IGF2BP2: variants seen among roughly 807,000 people sequenced by gnomAD.
IGF2BP2 encodes insulin like growth factor 2 mRNA binding protein 2, also known as insulin-like growth factor 2 mRNA-binding protein 2.
In IGF2BP2, 17 loss-of-function variants were observed where a neutral mutation model predicts 75.8. The observed-to-expected ratio is 0.22, with a 90% confidence interval of 0.15 to 0.34. IGF2BP2 has a LOEUF of 0.34. Among genes scored for constraint, IGF2BP2 ranks in the 10% least tolerant of loss-of-function variants. The pLI is 1.00. For synonymous variants in IGF2BP2, 288 were observed against 295.6 expected (o/e 0.97, Z 0.26); for missense variants, 516 against 772.4 (o/e 0.67, Z 3.93).
At chr3:185,823,578 C>T (rs1046270221) in intron 1 of IGF2BP2, among the ~76,000 whole-genome samples, 5 of 152,046 alleles carry the variant, frequency 3.3e-5, no homozygotes, top group East Asian at 3.9e-4. Context: ...CTCCATTCCG[C>T]TAATCCGGGG....
chr3:185,649,670 G>GCGTGCC, intron 13 of IGF2BP2, 136 bp from the exon 14 acceptor site: 1 of 1,207,674 alleles, frequency 8.3e-7, no homozygotes, highest in East Asian at 2.5e-5. Flanking sequence ...ACAGGAAGCT[G>GCGTGCC]CGTGCCCCAG....
At chr3:185,733,523 G>A (rs566446592) in intron 2 of IGF2BP2, among the ~76,000 whole-genome samples, 61 of 152,312 alleles carry the variant, frequency 4.0e-4, no homozygotes, top group Admixed American at 9.1e-4. Flanking sequence ...TTGGGAGGCC[G>A]AGGCAGGCGG....
rs758845874 is a variant in IGF2BP2, at chr3:185,672,530, G to C, written c.1200+11C>G. 1.9e-6 allele frequency: 3 copies of C among 1,610,970 alleles called. No homozygotes were observed. Among genetic ancestry groups the C allele is most frequent in the Admixed American group, 1.7e-5 (1 of 59,690 alleles). ...GCGCATAAGCAAACCTCCACAAGCT[G>C]AGCTACTTACAGTGAAGGGGTGGTA... On this transcript the variant is annotated intron_variant, in intron 10 of 15. Coordinates refer to ENST00000382199, the MANE Select transcript of IGF2BP2 (RefSeq NM_006548.6).
intron 2 of IGF2BP2, among the ~76,000 whole-genome samples, chr3:185,811,927 C>T (rs924898945): frequency 2.6e-5 from 4 of 151,356 alleles, no homozygotes; most frequent in Non-Finnish European, 5.9e-5. Flanking sequence ...TCTTTAACAA[C>T]ACGTAGCTAA....
Position 185,742,741 on chromosome 3 carries a change from G to A in IGF2BP2, c.240-44394C>T, listed in dbSNP as rs578091637. ...CACAATTTTGGTTAGAACAATGTGT[G>A]AAGTACAAAATATGAACTGCATGAT... On this transcript the variant is annotated intron_variant, in intron 2 of 15. Transcript: ENST00000382199. Among the ~76,000 whole-genome samples the A allele has an allele frequency of 5.3e-5, 8 of 152,308 alleles. No homozygotes were observed. In the South Asian group the frequency reaches 1.5e-3, roughly 28 times the overall value.
chr3:185,789,893 C>G (rs1020010057), intron 2 of IGF2BP2, among the ~76,000 whole-genome samples: 1 of 152,106 alleles, frequency 6.6e-6, no homozygotes, highest in East Asian at 1.9e-4. Context: ...GCCACCACAT[C>G]TGGCTAATTT....
chr3:185,701,963 T>C (rs1723368226), intron 2 of IGF2BP2, among the ~76,000 whole-genome samples: 1 of 152,120 alleles, frequency 6.6e-6, no homozygotes, highest in Admixed American at 6.5e-5. Flanking sequence ...GCCTGTCCCC[T>C]CCTTCCCCGG....
intron 6 of IGF2BP2, 142 bp downstream of exon 6, chr3:185,689,212 AG>A: frequency 2.6e-6 from 2 of 782,206 alleles, no homozygotes; most frequent in Non-Finnish European, 4.1e-6. Context: ...GTCTGTTAGT[AG>A]TCCTGTTGAA....
At chr3:185,787,901 TG>T (rs1475491231) in intron 2 of IGF2BP2, among the ~76,000 whole-genome samples, 3 of 152,362 alleles carry the variant, frequency 2.0e-5, no homozygotes, top group Non-Finnish European at 4.4e-5. Flanking sequence ...TAATTTGTTT[TG>T]TTTTTTTAAA....
chr3:185,673,268 C>T (rs954290477), intron 9 of IGF2BP2, among the ~76,000 whole-genome samples: 11 of 152,200 alleles, frequency 7.2e-5, no homozygotes, highest in African/African-American at 2.7e-4. Context: ...CAGAGAATGT[C>T]TTACTTAGTG....
chr3:185,657,576 G>A (rs1174147392), intron 11 of IGF2BP2, among the ~76,000 whole-genome samples, 174 bp from the exon 12 acceptor site: 1 of 152,236 alleles, frequency 6.6e-6, no homozygotes, highest in African/African-American at 2.4e-5. Context: ...CTGCAGGTGT[G>A]AAGCCTGAGG....
intron 2 of IGF2BP2, among the ~76,000 whole-genome samples, chr3:185,726,298 A>C (rs1727320710): frequency 6.6e-6 from 1 of 152,208 alleles, no homozygotes; most frequent in South Asian, 2.1e-4. Context: ...GGGCCTCTCC[A>C]TCCCTGACCA....
chr3:185,780,462 A>G (rs1006529607), intron 2 of IGF2BP2, among the ~76,000 whole-genome samples: 1 of 152,200 alleles, frequency 6.6e-6, no homozygotes, highest in Non-Finnish European at 1.5e-5. Context: ...CAGAAAATTT[A>G]AAGATCTTCA....
At chr3:185,731,246 CT>C (rs760172663) in intron 2 of IGF2BP2, among the ~76,000 whole-genome samples, 8,673 of 129,210 alleles carry the variant, frequency 0.067, 249 homozygotes, top group African/African-American at 0.098. Context: ...GCATCACTTT[CT>C]TTTTTTTTTT....
intron 7 of IGF2BP2, among the ~76,000 whole-genome samples, chr3:185,681,173 G>A (rs766898046): frequency 8.5e-5 from 13 of 152,102 alleles, no homozygotes; most frequent in Admixed American, 4.6e-4. Flanking sequence ...CAGATGACAC[G>A]ATTTTATATG....
intron 2 of IGF2BP2, among the ~76,000 whole-genome samples, chr3:185,746,302 A>C (rs1730243296): frequency 6.6e-6 from 1 of 152,136 alleles, no homozygotes; most frequent in Admixed American, 6.6e-5. Flanking sequence ...AGCGCCACTA[A>C]AGCCAAGACA....
intron 12 of IGF2BP2, among the ~76,000 whole-genome samples, chr3:185,653,536 A>G (rs553174703): frequency 2.0e-5 from 3 of 152,036 alleles, no homozygotes; most frequent in East Asian, 3.9e-4. Flanking sequence ...CAGGAGAATC[A>G]CTTGAACCCA....
chr3:185,736,105 T>C (rs1457414234), intron 2 of IGF2BP2, among the ~76,000 whole-genome samples: 1 of 152,120 alleles, frequency 6.6e-6, no homozygotes, highest in Non-Finnish European at 1.5e-5. Flanking sequence ...AGATCACCGT[T>C]TCAGTCCAGT....
chr3:185,787,942 G>C (rs1326421564), intron 2 of IGF2BP2, among the ~76,000 whole-genome samples: 2 of 152,088 alleles, frequency 1.3e-5, no homozygotes, highest in Non-Finnish European at 2.9e-5. Context: ...TAGACAATCA[G>C]AGCTTCAGAT....
Sources: gnomAD v4.1 joint callset for allele counts (sites outside exome capture counted in the v4.1 genomes callset) on GRCh38, gnomAD v4.1.1 for gene constraint, MANE v1.5 for transcripts, NCBI Gene and HGNC (gene_info 2026-07-23, HGNC 2026-07-21) for gene names.